CLTC: variants seen among roughly 807,000 people sequenced by gnomAD.
CLTC encodes the protein clathrin heavy chain 1.
A neutral mutation model predicts 195.8 loss-of-function variants in CLTC; 16 were observed. The observed-to-expected ratio is 0.08, with a 90% CI of 0.06 to 0.12. CLTC has a LOEUF of 0.12. CLTC is among the 10% of genes least tolerant of loss of function. The pLI is 1.00. For missense variants in CLTC, 796 were observed against 2,027.0 expected, an observed-to-expected ratio of 0.39 and a Z score of 11.66; for synonymous variants, 667 against 689.4, an observed-to-expected ratio of 0.97 and a Z score of 0.51.
intron 2 of CLTC, among the ~76,000 whole-genome samples, chr17:59,644,769 TCTCGAACTC>T (rs1238498659): frequency 6.6e-6 from 1 of 152,144 alleles, no homozygotes; most frequent in Non-Finnish European, 1.5e-5. Flanking sequence ...GCCAGGCTGG[TCTCGAACTC>T]CTAACCTCAT....
intron 14 of CLTC, among the ~76,000 whole-genome samples, chr17:59,673,145 C>G (rs1002507219): frequency 6.6e-6 from 1 of 151,420 alleles, no homozygotes; most frequent in African/African-American, 2.4e-5. Context: ...CACATGTGGT[C>G]ACCATCATGC....
chr17:59,680,146 C>G (rs950063923), intron 18 of CLTC, among the ~76,000 whole-genome samples: 1 of 152,038 alleles, frequency 6.6e-6, no homozygotes. Context: ...AGGAAAATAA[C>G]AAACTAAACA....
At chr17:59,625,711 A>G (rs976643537) in intron 1 of CLTC, among the ~76,000 whole-genome samples, 2 of 152,226 alleles carry the variant, frequency 1.3e-5, no homozygotes, top group Non-Finnish European at 2.9e-5. Flanking sequence ...AGTGATCCCA[A>G]ACATACTTAA....
chr17:59,681,574 T>C lies in CLTC; in HGVS notation c.3250-73T>C. On this transcript the variant is annotated intron_variant, in intron 20 of 31. Coordinates refer to ENST00000269122, the MANE Select transcript of CLTC (RefSeq NM_004859.4). This position sits in a 1 kb window ranked among gnomAD's most constrained non-coding sequence, Gnocchi z 5.0. ...CGGCAATAGAGCAGCAATAAAATACTAACAGCTTAAATGTAATTGCTTTGG... is the reference window on the plus strand; with the variant it reads ...CGGCAATAGAGCAGCAATAAAATACCAACAGCTTAAATGTAATTGCTTTGG... 6.4e-7 allele frequency: 1 copy of C among 1,569,442 alleles called. No individual in the cohort carries two copies. Among genetic ancestry groups the C allele is most frequent in the East Asian group, 2.3e-5 (1 of 44,410 alleles).
chr17:59,631,824 G>T (rs1360878329), intron 1 of CLTC, among the ~76,000 whole-genome samples: 1 of 152,106 alleles, frequency 6.6e-6, no homozygotes, highest in Non-Finnish European at 1.5e-5. Flanking sequence ...TAAAAAATTA[G>T]CCAGGTGTGG....
In CLTC at chr17:59,685,291, T is replaced by A; in HGVS notation, c.4605+65T>A. 7.1e-7 allele frequency: 1 copy of A among 1,417,782 alleles called. No individual in the cohort carries two copies. Among genetic ancestry groups the A allele is most frequent in the Non-Finnish European group, 9.5e-7 (1 of 1,052,266 alleles). The allele number at this position is 1,417,782 out of a possible 1,614,324, so 87.8% of individuals were successfully genotyped here. ...CCTAAAATGGTGTTACAAGTGATTA[T>A]AATCTATAAATAAAAGTATTGGTTT... On this transcript the variant is annotated intron_variant, in intron 29 of 31. Coordinates refer to ENST00000269122, the MANE Select transcript of CLTC (RefSeq NM_004859.4). The surrounding 1 kb of genome is among the most constrained non-coding windows in gnomAD (Gnocchi z 5.0).
In CLTC at chr17:59,693,721, A is replaced by C. The variant is rs1238624851; in HGVS notation, c.4904-7A>C. 6.2e-7 allele frequency: 1 copy of C among 1,609,656 alleles called. No individual in the cohort carries two copies. The stretch of plus-strand genomic sequence containing the variant: ...CCCCTGCTCCTTTTTGTTTTCTTCT[A>C]CTGTAGGTCAGCCCCAGTTGATGCT... On this transcript the variant is annotated splice_region_variant and splice_polypyrimidine_tract_variant and intron_variant, in intron 31 of 31. Coordinates refer to ENST00000269122, the MANE Select transcript of CLTC (RefSeq NM_004859.4).
At chr17:59,690,534 T>C (rs1360497599) in intron 30 of CLTC, 102 bp from the exon 31 acceptor site, 6 of 749,962 alleles carry the variant, frequency 8.0e-6, no homozygotes, top group Non-Finnish European at 1.3e-5. Flanking sequence ...GTCTGTTTTA[T>C]TTTGACAGAA....
At chr17:59,677,362 A>G (rs2032988818) in intron 17 of CLTC, among the ~76,000 whole-genome samples, 174 bp downstream of exon 17, 1 of 152,186 alleles carries the variant, frequency 6.6e-6, no homozygotes, top group African/African-American at 2.4e-5. Context: ...GATAAAGTCT[A>G]TATACCCTTT....
chr17:59,679,331 C>T (rs1361600335), intron 17 of CLTC, 66 bp from the exon 18 acceptor site: 12 of 1,301,308 alleles, frequency 9.2e-6, no homozygotes, highest in South Asian at 3.1e-5. Flanking sequence ...TAGGAAATAC[C>T]CTCTAAAATG....
intron 10 of CLTC, among the ~76,000 whole-genome samples, chr17:59,665,381 C>T (rs1429045434): frequency 6.6e-6 from 1 of 152,034 alleles, no homozygotes; most frequent in Non-Finnish European, 1.5e-5. Context: ...AAACAAACAT[C>T]TTATTTAGAG....
chr17:59,685,945 GA>G lies in CLTC; in HGVS notation c.4827+140del. The G allele has an allele frequency of 1.5e-6, 1 of 680,746 alleles. No individual in the cohort carries two copies. The highest frequency in any genetic ancestry group is 2.3e-6 in the Non-Finnish European group (1 of 433,166). 42.2% of individuals were successfully genotyped at this position (680,746 alleles called of 1,614,324 possible). A position where few individuals can be genotyped will look rare whatever the true frequency, so the allele number is the denominator to read the frequency against. ...GATCATAAAATATTCCTGTTCTTTTGAAATTTTTTTTTAATAGCTGACAAAT... is the reference window on the plus strand; with the variant it reads ...GATCATAAAATATTCCTGTTCTTTTGAATTTTTTTTTAATAGCTGACAAAT... On this transcript the variant is annotated intron_variant, in intron 30 of 31. Transcript: ENST00000269122. This position sits in a 1 kb window ranked among gnomAD's most constrained non-coding sequence, Gnocchi z 5.0.
chr17:59,648,898 C>T lies in CLTC; in HGVS notation c.681+497C>T, dbSNP rs76274546. 2.6e-5 allele frequency among the ~76,000 whole-genome samples: 4 copies of T among 152,154 alleles called. No individual in the cohort carries two copies. The East Asian group carries it at 7.7e-4, about 29-fold the overall frequency. The stretch of plus-strand genomic sequence containing the variant: ...TTTGTAGAGACAGGGTCTCACTATA[C>T]TGCCCAGGCTGGTCTCAAACCTCTG... On this transcript the variant is annotated intron_variant, in intron 4 of 31. Coordinates refer to ENST00000269122, the MANE Select transcript of CLTC (RefSeq NM_004859.4). This position sits in a 1 kb window ranked among gnomAD's most constrained non-coding sequence, Gnocchi z 4.5.
Position 59,666,794 on chromosome 17 carries a change from T to C in CLTC, c.1948-3T>C. On this transcript the variant is annotated splice_region_variant and splice_polypyrimidine_tract_variant and intron_variant, in intron 12 of 31. Coordinates refer to ENST00000269122, the MANE Select transcript of CLTC (RefSeq NM_004859.4). The surrounding 1 kb of genome is among the most constrained non-coding windows in gnomAD (Gnocchi z 4.9). ...TCATTCATTCATTTATTTTGTCTTG[T>C]AGTGGTTAGTCAACTACTTTGGTTC... 6.2e-7 allele frequency: 1 copy of C among 1,607,458 alleles called. No individual in the cohort carries two copies.
chr17:59,691,565 A>G (rs895577306), intron 31 of CLTC, among the ~76,000 whole-genome samples: 4 of 151,486 alleles, frequency 2.6e-5, no homozygotes, highest in Admixed American at 6.6e-5. Context: ...CAGAGGTTGC[A>G]GTGAGCCGAG....
chr17:59,627,904 T>C (rs1037775553), intron 1 of CLTC, among the ~76,000 whole-genome samples: 3 of 152,232 alleles, frequency 2.0e-5, no homozygotes, highest in Non-Finnish European at 4.4e-5. Context: ...AATTCATGTT[T>C]TTGTGTTTAT....
chr17:59,644,254 G>A, intron 1 of CLTC, 22 bp from the exon 2 acceptor site: 1 of 1,602,788 alleles, frequency 6.2e-7, no homozygotes, highest in Non-Finnish European at 8.5e-7. Flanking sequence ...TTGGTAACAT[G>A]GTTTCTTATT....
At chr17:59,680,350 A>G (rs2033058652) in intron 18 of CLTC, among the ~76,000 whole-genome samples, 1 of 152,232 alleles carries the variant, frequency 6.6e-6, no homozygotes, top group African/African-American at 2.4e-5. Context: ...CATATTTTAA[A>G]AGTTCTAAAA....
rs2032740693 is a variant in CLTC, at chr17:59,666,710, T to C, written c.1947+66T>C. On this transcript the variant is annotated intron_variant, in intron 12 of 31. Coordinates refer to ENST00000269122, the MANE Select transcript of CLTC (RefSeq NM_004859.4). The surrounding 1 kb of genome is among the most constrained non-coding windows in gnomAD (Gnocchi z 4.9). ...TTAATAGGTACACTGAAAATGTGTT[T>C]GTGGTACTAAATATTAATAATTTCA... The C allele has an allele frequency of 1.3e-6, 2 of 1,556,570 alleles. No individual in the cohort carries two copies.
Sources: gnomAD v4.1 joint callset for allele counts (sites outside exome capture counted in the v4.1 genomes callset) on GRCh38, gnomAD v4.1.1 for gene constraint, Gnocchi (gnomAD v3.1) non-coding constraint, MANE v1.5 for transcripts, NCBI Gene and HGNC (gene_info 2026-07-23, HGNC 2026-07-21) for gene names.